Variants in C12orf56 observed in about 807,000 individuals in gnomAD.
C12orf56 encodes the protein uncharacterized protein C12orf56.
In C12orf56, 71 loss-of-function variants were observed where a neutral mutation model predicts 69.9. The observed-to-expected ratio is 1.02, with a 90% CI of 0.84 to 1.24. The LOEUF (loss-of-function observed/expected upper bound fraction) is 1.24, where lower values mean the gene tolerates loss of function less well. Among genes scored for constraint, C12orf56 ranks in the 50% most tolerant of loss-of-function variants. The pLI is 0.00. For synonymous variants in C12orf56, 276 were observed against 274.1 expected (o/e 1.01, Z -0.07); for missense variants, 732 against 738.5 (o/e 0.99, Z 0.10).
intron 1 of C12orf56, among the ~76,000 whole-genome samples, chr12:64,388,118 C>T (rs142729097): frequency 0.014 from 2,161 of 152,110 alleles, 22 homozygotes; most frequent in Non-Finnish European, 0.023. Context: ...AACAGGCATG[C>T]GCCACCACAC....
chr12:64,348,009 T>C (rs953772039), intron 2 of C12orf56, among the ~76,000 whole-genome samples: 2 of 152,332 alleles, frequency 1.3e-5, no homozygotes, highest in African/African-American at 4.8e-5. Flanking sequence ...CTGGGCATGG[T>C]GGCTCATGCC....
intron 5 of C12orf56, among the ~76,000 whole-genome samples, chr12:64,304,984 C>T (rs561308558): frequency 9.2e-5 from 14 of 152,228 alleles, no homozygotes; most frequent in African/African-American, 3.1e-4. Context: ...ACTCCAGTAA[C>T]CTGTACCAGC....
chr12:64,345,254 CTGCCTCAGGGGAGGCCATCACTGT>C (rs199772467), intron 2 of C12orf56, among the ~76,000 whole-genome samples: 20,951 of 151,670 alleles, frequency 0.14, 1,605 homozygotes, highest in East Asian at 0.27. Flanking sequence ...TGCCTGGCAA[CTGCCTCAGGGGAGGCCATCACTGT>C]TGCCTCAGGG....
chr12:64,363,096 A>C (rs940695999), intron 1 of C12orf56, among the ~76,000 whole-genome samples: 6 of 152,102 alleles, frequency 3.9e-5, no homozygotes, highest in African/African-American at 1.4e-4. Flanking sequence ...ACCTCCTGGG[A>C]ATGTGGCCCA....
At chr12:64,347,450 T>G (rs540795705) in intron 2 of C12orf56, among the ~76,000 whole-genome samples, 1 of 152,188 alleles carries the variant, frequency 6.6e-6, no homozygotes, top group South Asian at 2.1e-4. Flanking sequence ...CACGCCTGGC[T>G]AATTTTTGTA....
chr12:64,356,918 C>T (rs1473408589), intron 1 of C12orf56, among the ~76,000 whole-genome samples: 1 of 152,102 alleles, frequency 6.6e-6, no homozygotes, highest in Non-Finnish European at 1.5e-5. Flanking sequence ...CACTTTGACT[C>T]ACTAGGTAAC....
intron 3 of C12orf56, among the ~76,000 whole-genome samples, chr12:64,326,651 C>T (rs549684969): frequency 6.6e-6 from 1 of 151,694 alleles, no homozygotes; most frequent in Non-Finnish European, 1.5e-5. Flanking sequence ...GCAGAAGAAT[C>T]GCTTAGGGAA....
At chr12:64,369,221 G>T (rs983276522) in intron 1 of C12orf56, among the ~76,000 whole-genome samples, 1 of 150,384 alleles carries the variant, frequency 6.6e-6, no homozygotes, top group Non-Finnish European at 1.5e-5. Context: ...TTTTTTAGAC[G>T]GAGTTTCATT....
chr12:64,327,512 G>A (rs1163293533), intron 3 of C12orf56, among the ~76,000 whole-genome samples: 2 of 152,152 alleles, frequency 1.3e-5, no homozygotes, highest in Admixed American at 1.3e-4. Flanking sequence ...GTGTTTCTTA[G>A]TTGCCACAAT....
intron 1 of C12orf56, among the ~76,000 whole-genome samples, chr12:64,387,104 A>AAAAAAAAAAAAAAAAAAAAAT: frequency 7.0e-6 from 1 of 143,752 alleles, no homozygotes; most frequent in African/African-American, 2.6e-5. Context: ...AAAAAAAAAA[A>AAAAAAAAAAAAAAAAAAAAAT]AAAAAAGATG....
chr12:64,293,123 G>C (rs534845718), intron 6 of C12orf56, among the ~76,000 whole-genome samples: 245 of 152,204 alleles, frequency 1.6e-3, no homozygotes, highest in Non-Finnish European at 2.9e-3. Context: ...TTCCAGGTGC[G>C]TCCGTCACCC....
At chr12:64,282,082 G>T (rs1374474034) in intron 8 of C12orf56, among the ~76,000 whole-genome samples, 1 of 152,200 alleles carries the variant, frequency 6.6e-6, no homozygotes. Context: ...CAAGCTGGGC[G>T]CAGTGGTTCA....
chr12:64,366,243 TTATATATTA>T (rs1410983272), intron 1 of C12orf56, among the ~76,000 whole-genome samples: 34 of 116,512 alleles, frequency 2.9e-4, no homozygotes, highest in African/African-American at 1.2e-3. Flanking sequence ...AATATACAGT[TTATATATTA>T]TATATAATAT....
chr12:64,285,962 A>G lies in C12orf56; in HGVS notation c.1212T>C (p.Asp404=). ...ATCTAGTTAGTACTTACACCAGCTC[A>G]TCAACCCTTTGGCTTTGATTTTGTA... ...NALQNQSQRV[D]ELVACIEIIQ... The change falls in exon 7 of 13, where the codon GAT becomes GAC. Residue 404 remains aspartate, a synonymous_variant. Transcript: ENST00000543942. 6.3e-7 allele frequency: 1 copy of G among 1,596,238 alleles called. No individual in the cohort carries two copies. The highest frequency in any genetic ancestry group is 8.6e-7 in the Non-Finnish European group (1 of 1,167,962).
At chr12:64,329,493 GTTTA>G (rs148485048) in intron 3 of C12orf56, among the ~76,000 whole-genome samples, 10,918 of 147,916 alleles carry the variant, frequency 0.074, 453 homozygotes, top group Admixed American at 0.093. Flanking sequence ...TGTAGTAATG[GTTTA>G]TTTATTTATT....
intron 5 of C12orf56, among the ~76,000 whole-genome samples, chr12:64,311,333 A>G (rs2038612202): frequency 6.6e-6 from 1 of 151,882 alleles, no homozygotes; most frequent in Non-Finnish European, 1.5e-5. Flanking sequence ...GAACTGCTTG[A>G]ACCTGGGAGG....
At chr12:64,308,924 GAAAGAAAGAAAGAAAGAAGA>G (rs1481871093) in intron 5 of C12orf56, among the ~76,000 whole-genome samples, 14 of 45,972 alleles carry the variant, frequency 3.0e-4, no homozygotes, top group African/African-American at 1.1e-3. Context: ...AAGAAAGAAA[GAAAGAAAGAAAGAAAGAAGA>G]AAGAAAGAAA....
chr12:64,354,474 T>G (rs1297800610), intron 1 of C12orf56, among the ~76,000 whole-genome samples: 1 of 151,966 alleles, frequency 6.6e-6, no homozygotes, highest in Non-Finnish European at 1.5e-5. Flanking sequence ...TTTTTTATTT[T>G]GAGATGGAGT....
At chr12:64,276,216 G>T (rs753722580) in intron 9 of C12orf56, among the ~76,000 whole-genome samples, 1 of 152,076 alleles carries the variant, frequency 6.6e-6, no homozygotes, top group Non-Finnish European at 1.5e-5. Flanking sequence ...TGTTGGGGAC[G>T]CAAGGGAGAA....
Sources: gnomAD v4.1 joint callset for allele counts (sites outside exome capture counted in the v4.1 genomes callset) on GRCh38, gnomAD v4.1.1 for gene constraint, MANE v1.5 for transcripts, NCBI Gene and HGNC (gene_info 2026-07-23, HGNC 2026-07-21) for gene names.